Variants in NKAIN2 observed in about 807,000 individuals in gnomAD.
NKAIN2 encodes sodium/potassium transporting ATPase interacting 2.
In NKAIN2, 14 loss-of-function variants were observed where a neutral mutation model predicts 32.6. The ratio of observed to expected loss-of-function variants is 0.43; its 90% CI spans 0.28 to 0.67. NKAIN2 has a LOEUF of 0.67. Among genes scored for constraint, NKAIN2 ranks in the 30% least tolerant of loss-of-function variants. The pLI, the probability that NKAIN2 is intolerant of heterozygous loss-of-function variation, is 0.17. For missense variants in NKAIN2, 198 were observed against 258.3 expected (o/e 0.77, Z 1.60); for synonymous variants, 80 against 87.2 (o/e 0.92, Z 0.46).
intron 1 of NKAIN2, among the ~76,000 whole-genome samples, chr6:124,276,062 T>C (rs1165359347): frequency 6.6e-6 from 1 of 152,140 alleles, no homozygotes; most frequent in East Asian, 1.9e-4. Context: ...CACCATGATA[T>C]GCTGACTTCT....
intron 1 of NKAIN2, among the ~76,000 whole-genome samples, chr6:124,153,108 A>C (rs1204081488): frequency 2.6e-5 from 4 of 151,892 alleles, no homozygotes; most frequent in Non-Finnish European, 5.9e-5. Flanking sequence ...AATGACAGTT[A>C]ACAATAATTT....
intron 3 of NKAIN2, among the ~76,000 whole-genome samples, chr6:124,461,681 A>G (rs530043125): frequency 6.6e-6 from 1 of 151,952 alleles, no homozygotes; most frequent in African/African-American, 2.4e-5. Flanking sequence ...ATGCCTTTAA[A>G]TTTTATTTAG....
Position 124,509,785 on chromosome 6 carries a change from C to T in NKAIN2, c.274-148401C>T, listed in dbSNP as rs546601320. Among the ~76,000 whole-genome samples the T allele has an allele frequency of 7.6e-4, 115 of 152,106 alleles. 2 individuals are homozygous for T. In the South Asian group the frequency reaches 0.021, roughly 27 times the overall value. On this transcript the variant is annotated intron_variant, in intron 3 of 6. Transcript: ENST00000368417. ...CTTTTCTTGGTTTGTTTATCTCATG[C>T]GATTGAACACAATTCTAAGAGGCAG... is the stretch of plus-strand genomic sequence containing the variant.
intron 1 of NKAIN2, among the ~76,000 whole-genome samples, chr6:124,108,440 A>C (rs1358994734): frequency 6.6e-6 from 1 of 151,998 alleles, no homozygotes; most frequent in East Asian, 1.9e-4. Context: ...TTTATTGGAT[A>C]TATAGTTTGT....
intron 3 of NKAIN2, among the ~76,000 whole-genome samples, chr6:124,449,851 C>G (rs78460738): frequency 6.6e-6 from 1 of 152,062 alleles, no homozygotes; most frequent in Non-Finnish European, 1.5e-5. Flanking sequence ...TCAAGAAATG[C>G]TAATTAGATT....
At chr6:124,663,927 T>G (rs1200123460) in intron 4 of NKAIN2, among the ~76,000 whole-genome samples, 3 of 152,136 alleles carry the variant, frequency 2.0e-5, no homozygotes. Flanking sequence ...GATTTTTCAA[T>G]GCTTAAACCT....
At chr6:124,272,496 G>A (rs1794838313) in intron 1 of NKAIN2, among the ~76,000 whole-genome samples, 1 of 152,214 alleles carries the variant, frequency 6.6e-6, no homozygotes, top group East Asian at 1.9e-4. Flanking sequence ...TTCAGAGAAT[G>A]TATGGAAATG....
chr6:124,187,741 A>T (rs139709290), intron 1 of NKAIN2, among the ~76,000 whole-genome samples: 184 of 152,174 alleles, frequency 1.2e-3, no homozygotes, highest in African/African-American at 4.2e-3. Context: ...ATGTCCACGC[A>T]ACTCTCTATT....
intron 3 of NKAIN2, among the ~76,000 whole-genome samples, chr6:124,421,862 C>T (rs1049761335): frequency 6.6e-6 from 1 of 152,096 alleles, no homozygotes; most frequent in South Asian, 2.1e-4. Flanking sequence ...GTATGTCCGG[C>T]GTGATTTTAG....
intron 1 of NKAIN2, among the ~76,000 whole-genome samples, chr6:124,258,934 T>C (rs1048338774): frequency 6.6e-6 from 1 of 152,342 alleles, no homozygotes. Context: ...CCTCCAATTA[T>C]ATTTATCATT....
At chr6:124,564,629 C>T (rs1356624084) in intron 3 of NKAIN2, among the ~76,000 whole-genome samples, 1 of 152,122 alleles carries the variant, frequency 6.6e-6, no homozygotes, top group Middle Eastern at 3.2e-3. Context: ...ACACTCACCG[C>T]GAAGGTCTGC....
chr6:124,534,923 T>C lies in NKAIN2; in HGVS notation c.274-123263T>C, dbSNP rs551522920. Among the ~76,000 whole-genome samples, 6 of 152,340 alleles carry C rather than the reference T, an allele frequency of 3.9e-5. No homozygotes were observed. In the East Asian group the frequency reaches 1.2e-3, roughly 29 times the overall value. ...TCATAAATACAAAATCTATAAATGCTCAAGTCCCTTATATAAAATGGTATA... is the reference window on the plus strand; with the variant it reads ...TCATAAATACAAAATCTATAAATGCCCAAGTCCCTTATATAAAATGGTATA... On this transcript the variant is annotated intron_variant, in intron 3 of 6. Transcript: ENST00000368417.
At chr6:124,463,199 C>T (rs1342949339) in intron 3 of NKAIN2, among the ~76,000 whole-genome samples, 1 of 151,808 alleles carries the variant, frequency 6.6e-6, no homozygotes, top group African/African-American at 2.4e-5. Flanking sequence ...ACCCAACAAC[C>T]TAAGTTTAAA....
chr6:123,962,223 T>C (rs1175145116), intron 1 of NKAIN2, among the ~76,000 whole-genome samples: 1 of 152,214 alleles, frequency 6.6e-6, no homozygotes, highest in Non-Finnish European at 1.5e-5. Flanking sequence ...TCCTAGGTTT[T>C]TCATTTGGGC....
chr6:124,508,822 G>A (rs902167384), intron 3 of NKAIN2, among the ~76,000 whole-genome samples: 1 of 152,142 alleles, frequency 6.6e-6, no homozygotes, highest in African/African-American at 2.4e-5. Flanking sequence ...CAGCTGTAAA[G>A]GAAGCTCTGC....
At chr6:124,048,359 A>G (rs1263242699) in intron 1 of NKAIN2, among the ~76,000 whole-genome samples, 1 of 152,020 alleles carries the variant, frequency 6.6e-6, no homozygotes, top group Non-Finnish European at 1.5e-5. Context: ...GAACCTATTA[A>G]TATTAGGGTG....
intron 3 of NKAIN2, among the ~76,000 whole-genome samples, chr6:124,425,085 A>G (rs1774924885): frequency 6.6e-6 from 1 of 152,118 alleles, no homozygotes. Context: ...GGGCACCAAG[A>G]AAAAGATCGT....
intron 1 of NKAIN2, among the ~76,000 whole-genome samples, chr6:124,055,645 C>G (rs909715810): frequency 1.3e-5 from 2 of 151,940 alleles, no homozygotes; most frequent in African/African-American, 4.8e-5. Context: ...AATTGTGCAA[C>G]TCTAGAATAA....
intron 3 of NKAIN2, among the ~76,000 whole-genome samples, chr6:124,428,062 G>T (rs1284853683): frequency 6.6e-6 from 1 of 151,914 alleles, no homozygotes; most frequent in Non-Finnish European, 1.5e-5. Context: ...TCACTATAGT[G>T]CTCTTTAGCT....
Sources: gnomAD v4.1 joint callset for allele counts (sites outside exome capture counted in the v4.1 genomes callset) on GRCh38, gnomAD v4.1.1 for gene constraint, MANE v1.5 for transcripts, NCBI Gene and HGNC (gene_info 2026-07-23, HGNC 2026-07-21) for gene names.